ARHGEF28: variants seen among roughly 807,000 people sequenced by gnomAD.
ARHGEF28 encodes Rho guanine nucleotide exchange factor 28.
A neutral mutation model predicts 206.6 loss-of-function variants in ARHGEF28; 152 were observed. The ratio of observed to expected loss-of-function variants is 0.74; its 90% CI spans 0.64 to 0.84. The LOEUF (loss-of-function observed/expected upper bound fraction) is 0.84, where lower values mean the gene tolerates loss of function less well. Ranked by LOEUF, ARHGEF28 falls within the 40% of genes least tolerant of loss-of-function variation. The pLI, the probability that ARHGEF28 is intolerant of heterozygous loss-of-function variation, is 0.00. For missense variants in ARHGEF28, 2,028 were observed against 2,073.2 expected (o/e 0.98, Z 0.42); for synonymous variants, 763 against 776.4 (o/e 0.98, Z 0.29).
At chr5:73,792,199 A>C (rs772072172) in intron 7 of ARHGEF28, among the ~76,000 whole-genome samples, 1 of 152,172 alleles carries the variant, frequency 6.6e-6, no homozygotes. Context: ...TTAAATGATG[A>C]GGTACAATTT....
intron 5 of ARHGEF28, among the ~76,000 whole-genome samples, chr5:73,775,695 G>A (rs1022887571): frequency 6.6e-6 from 1 of 152,178 alleles, no homozygotes; most frequent in Non-Finnish European, 1.5e-5. Context: ...GGTGGGATGT[G>A]ACATGCTGAG....
At chr5:73,746,050 A>G (rs1751700008) in intron 2 of ARHGEF28, among the ~76,000 whole-genome samples, 1 of 152,116 alleles carries the variant, frequency 6.6e-6, no homozygotes, top group Non-Finnish European at 1.5e-5. Context: ...TTCCAAAGAT[A>G]GTTTTGGCAA....
intron 24 of ARHGEF28, among the ~76,000 whole-genome samples, chr5:73,885,224 T>A (rs74679210): frequency 1.2e-3 from 176 of 152,200 alleles, no homozygotes; most frequent in African/African-American, 4.1e-3. Context: ...GGCTTAAGTT[T>A]TAAGAAACTT....
At chr5:73,754,740 A>C (rs1752208587) in intron 4 of ARHGEF28, among the ~76,000 whole-genome samples, 1 of 152,100 alleles carries the variant, frequency 6.6e-6, no homozygotes, top group South Asian at 2.1e-4. Flanking sequence ...TCTGTTGCCC[A>C]GGCTGGAGCG....
intron 2 of ARHGEF28, among the ~76,000 whole-genome samples, chr5:73,734,169 A>T (rs1025406956): frequency 1.3e-5 from 2 of 152,166 alleles, no homozygotes; most frequent in African/African-American, 4.8e-5. Context: ...AAGAGGGTAA[A>T]AAAAAGGATG....
intron 35 of ARHGEF28, among the ~76,000 whole-genome samples, chr5:73,939,709 C>T (rs1025096544): frequency 6.6e-6 from 1 of 152,200 alleles, no homozygotes; most frequent in African/African-American, 2.4e-5. Flanking sequence ...CCTTTCATTC[C>T]TGCCAAGCCT....
At chr5:73,841,989 A>G (rs1381931191) in intron 11 of ARHGEF28, among the ~76,000 whole-genome samples, 1 of 152,190 alleles carries the variant, frequency 6.6e-6, no homozygotes, top group Non-Finnish European at 1.5e-5. Flanking sequence ...TTTCTTGCAT[A>G]TATAAAAACT....
At chr5:73,673,699 T>C (rs1746486329) in intron 1 of ARHGEF28, among the ~76,000 whole-genome samples, 1 of 152,092 alleles carries the variant, frequency 6.6e-6, no homozygotes, top group Admixed American at 6.6e-5. Flanking sequence ...ATAATAATAA[T>C]AGTTAATAGT....
At chr5:73,875,898 T>C (rs1040333968) in intron 22 of ARHGEF28, among the ~76,000 whole-genome samples, 1 of 152,218 alleles carries the variant, frequency 6.6e-6, no homozygotes, top group Non-Finnish European at 1.5e-5. Context: ...GACTTGGCGA[T>C]GCGGGCTCTT....
At chr5:73,756,057 T>C (rs962674028) in intron 4 of ARHGEF28, among the ~76,000 whole-genome samples, 3 of 152,234 alleles carry the variant, frequency 2.0e-5, no homozygotes, top group African/African-American at 7.2e-5. Flanking sequence ...CTGACCTTAT[T>C]ACCTCCTGGC....
chr5:73,774,007 G>T lies in ARHGEF28; in HGVS notation c.628G>T (p.Gly210Ter). 6.2e-7 allele frequency: 1 copy of T among 1,603,028 alleles called. No homozygotes were observed. Among genetic ancestry groups the T allele is most frequent in the South Asian group, 1.1e-5 (1 of 88,522 alleles). ...ACCATTAGACTTAGCTTTACGTGAA[G>T]GACACTCCAAGCTGGTGGAAGACGT... ...ATPLDLALRE[G>*]HSKLVEDVTN... Residue 210 changes from glycine (G) to a stop codon, truncating the protein, a stop_gained, in exon 5 of 36, where the codon GGA (glycine) becomes TGA (stop). Coordinates refer to ENST00000513042, the MANE Select transcript of ARHGEF28 (RefSeq NM_001177693.2). LOFTEE classifies it high-confidence loss of function.
chr5:73,910,400 A>AAAAAAAAAAG (rs1310087532), intron 34 of ARHGEF28, among the ~76,000 whole-genome samples: 2 of 150,408 alleles, frequency 1.3e-5, no homozygotes, highest in Admixed American at 6.6e-5. Flanking sequence ...AAAAAAAAAA[A>AAAAAAAAAAG]AAAAAAGGAC....
chr5:73,861,536 G>A (rs765061474), intron 16 of ARHGEF28, among the ~76,000 whole-genome samples: 4 of 152,254 alleles, frequency 2.6e-5, no homozygotes, highest in Non-Finnish European at 5.9e-5. Context: ...AGGCTCAAGC[G>A]ATTCTCCTGC....
At chr5:73,928,264 A>C (rs1368923308) in intron 35 of ARHGEF28, among the ~76,000 whole-genome samples, 5 of 152,116 alleles carry the variant, frequency 3.3e-5, no homozygotes, top group Non-Finnish European at 7.4e-5. Flanking sequence ...AAAAATACAA[A>C]AATTAGCCAG....
At chr5:73,667,274 G>A (rs1441375256) in intron 1 of ARHGEF28, among the ~76,000 whole-genome samples, 1 of 152,154 alleles carries the variant, frequency 6.6e-6, no homozygotes, top group Non-Finnish European at 1.5e-5. Flanking sequence ...TCAGTTGGGG[G>A]GCTTAGAATT....
At chr5:73,907,306 C>A (rs1029935097) in intron 33 of ARHGEF28, among the ~76,000 whole-genome samples, 7 of 152,162 alleles carry the variant, frequency 4.6e-5, no homozygotes, top group African/African-American at 1.4e-4. Context: ...TCTTTTCAAC[C>A]CTGAATGCAG....
intron 2 of ARHGEF28, among the ~76,000 whole-genome samples, chr5:73,746,484 T>C (rs1236513115): frequency 2.0e-5 from 3 of 152,006 alleles, no homozygotes; most frequent in Admixed American, 6.5e-5. Context: ...TGGAAGAGAA[T>C]AGGAAAAATG....
chr5:73,851,907 G>A (rs571594366), intron 13 of ARHGEF28, among the ~76,000 whole-genome samples: 3 of 152,254 alleles, frequency 2.0e-5, no homozygotes, highest in South Asian at 4.1e-4. Context: ...ACCTAGTTAT[G>A]CCTCTTCACT....
chr5:73,792,433 C>G (rs1210066423), intron 7 of ARHGEF28, among the ~76,000 whole-genome samples: 1 of 152,156 alleles, frequency 6.6e-6, no homozygotes, highest in Non-Finnish European at 1.5e-5. Context: ...TTTCCATTAG[C>G]AATCTGGATA....
Sources: allele counts gnomAD v4.1 joint callset (sites outside exome capture counted in the v4.1 genomes callset), GRCh38; gene constraint gnomAD v4.1.1; transcripts MANE v1.5; gene names NCBI Gene and HGNC (gene_info 2026-07-23, HGNC 2026-07-21).